The following CIITA variants were observed in gnomAD, a reference collection of about 807,000 sequenced individuals.
CIITA encodes class II major histocompatibility complex transactivator.
Under a neutral mutation model 115.1 loss-of-function variants are expected in CIITA, and 72 were observed. The ratio of observed to expected loss-of-function variants is 0.63; its 90% confidence interval spans 0.52 to 0.76. CIITA has a LOEUF of 0.76. CIITA is among the 30% of genes least tolerant of loss of function. The pLI is 0.00. For missense variants in CIITA, 1,617 were observed against 1,463.8 expected (o/e 1.10, Z -1.71); for synonymous variants, 763 against 635.6 (o/e 1.20, Z -3.02).
Position 10,916,464 on chromosome 16 carries a change from G to C in CIITA, c.3062+5G>C. 1 of 1,609,148 alleles carries C rather than the reference G, an allele frequency of 6.2e-7. No homozygotes were observed. The highest frequency in any genetic ancestry group is 8.5e-7 in the Non-Finnish European group (1 of 1,177,558). The stretch of plus-strand genomic sequence containing the variant: ...GAAGTCCTTGGAAACCCTCAAGTGA[G>C]TGAGCTGGGCCTGCCCTTCCTGCTG... On this transcript the variant is annotated splice_donor_5th_base_variant and intron_variant, in intron 15 of 19. Coordinates refer to ENST00000324288, the MANE Select transcript of CIITA (RefSeq NM_000246.4).
At chr16:10,918,089 C>G (rs1185051287) in intron 15 of CIITA, among the ~76,000 whole-genome samples, 1 of 152,242 alleles carries the variant, frequency 6.6e-6, no homozygotes, top group Admixed American at 6.5e-5. Context: ...AGACACAGCC[C>G]TGCTCCATGT....
Position 10,923,816 on chromosome 16 carries a change from G to C in CIITA, c.*23-62G>C. On this transcript the variant is annotated intron_variant, in intron 19 of 19. Coordinates refer to ENST00000324288, the MANE Select transcript of CIITA (RefSeq NM_000246.4). This position sits in a 1 kb window ranked among gnomAD's most constrained non-coding sequence, Gnocchi z 5.2. ...CATCTTGATAGCACCCTTCCCAGGTGTCAAGCTGCCCCTCCTAGAGTGTCC... is the reference window on the plus strand; with the variant it reads ...CATCTTGATAGCACCCTTCCCAGGTCTCAAGCTGCCCCTCCTAGAGTGTCC... The C allele has an allele frequency of 5.5e-6, 1 of 181,270 alleles. No individual in the cohort carries two copies. Among genetic ancestry groups the C allele is most frequent in the Non-Finnish European group, 1.2e-5 (1 of 85,494 alleles). 11.2% of individuals were successfully genotyped at this position (181,270 alleles called of 1,614,324 possible).
chr16:10,916,278 G>A (rs965750579), intron 14 of CIITA, 89 bp from the exon 15 acceptor site: 4 of 1,229,444 alleles, frequency 3.3e-6, no homozygotes, highest in East Asian at 2.5e-5. Flanking sequence ...AAGGGCAGGT[G>A]CCAGGGCTGA....
downstream of CIITA, chr16:10,939,860 C>T (rs1238561063): frequency 1.3e-5 from 2 of 152,402 alleles, no homozygotes; most frequent in African/African-American, 4.8e-5. This position sits in a 1 kb window ranked among gnomAD's most constrained non-coding sequence, Gnocchi z 4.9. Flanking sequence ...TCTTCCTCAC[C>T]AAGTGCCAAA....
intron 13 of CIITA, chr16:10,913,401 T>G (rs1315313915): frequency 2.5e-5 from 4 of 162,736 alleles, no homozygotes; most frequent in African/African-American, 9.6e-5. Flanking sequence ...TGCAACCTCC[T>G]CCTCCCAAGT....
intron 1 of CIITA, among the ~76,000 whole-genome samples, chr16:10,878,492 C>T (rs1205222832): frequency 6.6e-6 from 1 of 152,204 alleles, no homozygotes; most frequent in Non-Finnish European, 1.5e-5. Context: ...ACAGGTTTTC[C>T]ATCCATGGAA....
In CIITA at chr16:10,879,576, A is replaced by T. The variant is rs1165611856; in HGVS notation, c.52+2194A>T. Among the ~76,000 whole-genome samples, 1 of 141,836 alleles carries T rather than the reference A, an allele frequency of 7.1e-6. No homozygotes were observed. The highest frequency in any genetic ancestry group is 2.5e-5 in the African/African-American group (1 of 39,228). The allele number at this position is 141,836 out of a possible 152,430, so 93.0% of individuals were successfully genotyped here. The stretch of plus-strand genomic sequence containing the variant: ...AGGGAGCCAAACCTTTAACCAGAGG[A>T]TGGGATAAGTCCTCAACTCTCGTTG... On this transcript the variant is annotated intron_variant, in intron 1 of 19. Transcript: ENST00000324288. The surrounding 1 kb of genome is among the most constrained non-coding windows in gnomAD (Gnocchi z 4.3).
chr16:10,890,743 G>A (rs187872066), intron 1 of CIITA, among the ~76,000 whole-genome samples: 91 of 152,280 alleles, frequency 6.0e-4, no homozygotes, highest in Admixed American at 3.7e-3. Context: ...AATAATGATG[G>A]CCATCACACA....
intron 1 of CIITA, among the ~76,000 whole-genome samples, chr16:10,881,361 G>T (rs2036415817): frequency 1.3e-5 from 2 of 152,062 alleles, no homozygotes; most frequent in South Asian, 4.1e-4. Flanking sequence ...GGTTTCCAAA[G>T]ACCAAGACAC....
At chr16:10,883,248 G>A (rs978869865) in intron 1 of CIITA, among the ~76,000 whole-genome samples, 7 of 152,186 alleles carry the variant, frequency 4.6e-5, no homozygotes, top group South Asian at 2.1e-4. Context: ...TCCCTTCCAG[G>A]AAAAACTTGT....
In CIITA at chr16:10,923,344, G is replaced by A; in HGVS notation, c.*22+19G>A. On this transcript the variant is annotated intron_variant, in intron 19 of 19. Coordinates refer to ENST00000324288, the MANE Select transcript of CIITA (RefSeq NM_000246.4). The surrounding 1 kb of genome is among the most constrained non-coding windows in gnomAD (Gnocchi z 5.2). ...GGACAGGGTAACCAGGGTGGGCTTG[G>A]GAGGGGAGAGCCGCAGTGGGTTGGG... 2 of 1,441,962 alleles carry A rather than the reference G, an allele frequency of 1.4e-6. No individual in the cohort carries two copies. Among genetic ancestry groups the A allele is most frequent in the Non-Finnish European group, 2.0e-6 (2 of 1,025,466 alleles). 89.3% of individuals were successfully genotyped at this position (1,441,962 alleles called of 1,614,324 possible).
chr16:10,887,345 C>T (rs937984512), intron 1 of CIITA, among the ~76,000 whole-genome samples: 6 of 152,242 alleles, frequency 3.9e-5, no homozygotes, highest in Admixed American at 2.6e-4. Context: ...CTCGTTGAAA[C>T]GGAGGCTCAG....
intron 3 of CIITA, among the ~76,000 whole-genome samples, chr16:10,896,131 T>C (rs1193218280): frequency 7.2e-5 from 11 of 152,222 alleles, no homozygotes; most frequent in Non-Finnish European, 2.9e-5. Flanking sequence ...TACTCTAGTA[T>C]TTGTAATAAC....
At position 10,901,857 on chromosome 16, in the gene CIITA, G is replaced by A. The variant is rs771342014; in HGVS notation, c.482-181G>A. ...ATAGCTCTCAGAGCCAAGTCACAAG[G>A]AGAGGACTGGGGGACTGCCTGGCAC... On this transcript the variant is annotated intron_variant, in intron 6 of 19. Coordinates refer to ENST00000324288, the MANE Select transcript of CIITA (RefSeq NM_000246.4). This position sits in a 1 kb window ranked among gnomAD's most constrained non-coding sequence, Gnocchi z 6.8. 1.0e-5 allele frequency: 9 copies of A among 893,244 alleles called. No individual in the cohort carries two copies. In the South Asian group the frequency reaches 1.2e-4, roughly 12 times the overall value. 55.3% of individuals were successfully genotyped at this position (893,244 alleles called of 1,614,324 possible).
rs2040971274 is a variant in CIITA, at chr16:10,935,044, T to A, written c.*11189T>A. ...TCATTCATTAAGCAAGCACCAACTA[T>A]ACATCATTCACTATCCCAATCTAAT... On this transcript the variant is annotated 3_prime_UTR_variant, in exon 20 of 20. Transcript: ENST00000324288. The A allele has an allele frequency of 6.6e-6, 1 of 152,288 alleles. No homozygotes were observed. The highest frequency in any genetic ancestry group is 1.9e-4 in the East Asian group (1 of 5,206). 9.4% of individuals were successfully genotyped at this position (152,288 alleles called of 1,614,324 possible).
rs374651761 is a variant in CIITA, at chr16:10,877,298, C to T, written c.-33C>T. 168 of 1,607,584 alleles carry T rather than the reference C, an allele frequency of 1.0e-4. No individual in the cohort carries two copies. Among genetic ancestry groups the T allele is most frequent in the Non-Finnish European group, 1.3e-4 (149 of 1,176,756 alleles). On this transcript the variant is annotated 5_prime_UTR_variant, in exon 1 of 20. Coordinates refer to ENST00000324288, the MANE Select transcript of CIITA (RefSeq NM_000246.4). ...GGCACGAGGAGGGGCTGCCAGACTCCGGGAGCTGCTGCCTGGCTGGGATTC... is the reference window on the plus strand; with the variant it reads ...GGCACGAGGAGGGGCTGCCAGACTCTGGGAGCTGCTGCCTGGCTGGGATTC...
In CIITA at chr16:10,906,724, G is replaced by A. The variant is rs1164750874; in HGVS notation, c.1232G>A (p.Arg411His). The part of the protein sequence containing the change: ...LLAAKEHRRP[R>H]ETRVIAVLGK... ...GCTGCCAAGGAGCACCGGCGGCCGCGTGAGACACGAGTGATTGCTGTGCTG... is the reference window on the plus strand; with the variant it reads ...GCTGCCAAGGAGCACCGGCGGCCGCATGAGACACGAGTGATTGCTGTGCTG... The change falls in exon 11 of 20, where the codon CGT becomes CAT. Residue 411 changes from arginine (R) to histidine (H), a missense_variant. Transcript: ENST00000324288. 7.4e-6 allele frequency: 12 copies of A among 1,610,970 alleles called. No homozygotes were observed. The African/African-American group carries it at 8.0e-5, about 11-fold the overall frequency.
chr16:10,877,469 T>C lies in CIITA; in HGVS notation c.52+87T>C. The C allele has an allele frequency of 3.7e-6, 5 of 1,363,806 alleles. No individual in the cohort carries two copies. The South Asian group carries it at 6.2e-5, about 17-fold the overall frequency. The allele number at this position is 1,363,806 out of a possible 1,614,324, so 84.5% of individuals were successfully genotyped here. ...GATAAACAGAGAAACCATTCTGAAT[T>C]GGGGATGGGGGTGAGGATGGGAACA... On this transcript the variant is annotated intron_variant, in intron 1 of 19. Transcript: ENST00000324288.
chr16:10,936,975 T>C (rs1179743452), downstream of CIITA: 2 of 152,248 alleles, frequency 1.3e-5, no homozygotes, highest in Non-Finnish European at 2.9e-5. Flanking sequence ...ACTTTCTTAG[T>C]TCGGCAAAAC....
Sources: allele counts gnomAD v4.1 joint callset (sites outside exome capture counted in the v4.1 genomes callset), GRCh38; gene constraint gnomAD v4.1.1; non-coding constraint Gnocchi (gnomAD v3.1); transcripts MANE v1.5; gene names NCBI Gene and HGNC (gene_info 2026-07-23, HGNC 2026-07-21).